USP19: variants seen among roughly 807,000 people sequenced by gnomAD.
USP19 encodes ubiquitin carboxyl-terminal hydrolase 19.
Under a neutral mutation model 144.8 loss-of-function variants are expected in USP19, and 40 were observed. The observed-to-expected ratio is 0.28, with a 90% CI of 0.21 to 0.36. The LOEUF is 0.36. USP19 is among the 10% of genes least tolerant of loss of function. USP19 has a pLI of 1.00. For synonymous variants in USP19, 701 were observed against 709.3 expected (o/e 0.99, Z 0.19); for missense variants, 1,518 against 1,822.5 (o/e 0.83, Z 3.04).
rs753218381 is a variant in USP19, at chr3:49,111,882, C to T, written c.2903+29G>A. The T allele has an allele frequency of 1.9e-6, 3 of 1,612,568 alleles. No homozygotes were observed. The South Asian group carries it at 3.3e-5, about 18-fold the overall frequency. ...TCTAGCACCTCTGCCCCCACCTACA[C>T]CACTCTAGTCCAACCACTGGGCACT... On this transcript the variant is annotated intron_variant, in intron 20 of 26. Coordinates refer to ENST00000417901, the MANE Select transcript of USP19 (RefSeq NM_001199161.2). The surrounding 1 kb of genome is among the most constrained non-coding windows in gnomAD (Gnocchi z 5.9).
chr3:49,112,486 C>T lies in USP19; in HGVS notation c.2646+3G>A, dbSNP rs145504858. The T allele has an allele frequency of 1.9e-6, 3 of 1,613,546 alleles. No homozygotes were observed. Among genetic ancestry groups the T allele is most frequent in the South Asian group, 2.2e-5 (2 of 91,064 alleles). On this transcript the variant is annotated splice_donor_region_variant and intron_variant, in intron 18 of 26. Transcript: ENST00000417901. The surrounding 1 kb of genome is among the most constrained non-coding windows in gnomAD (Gnocchi z 4.9). ...CTGTGCCATCAGGTTGGCCCCCACT[C>T]ACCTGTTGCACCTCTAGCACCACTA...
At position 49,116,071 on chromosome 3, in the gene USP19, C is replaced by G. The variant is rs746418807; in HGVS notation, c.1447G>C (p.Gly483Arg). 5.0e-6 allele frequency: 8 copies of G among 1,604,500 alleles called. No homozygotes were observed. The highest frequency in any genetic ancestry group is 2.2e-5 in the South Asian group (2 of 90,134). The change falls in exon 10 of 27, where the codon GGC becomes CGC. Residue 483 changes from glycine to arginine, a missense_variant. Around this residue, in one of 5 missense-constraint regions of USP19, gnomAD observed 707 missense variants for 728.9 expected, o/e 0.97. Coordinates refer to ENST00000417901, the MANE Select transcript of USP19 (RefSeq NM_001199161.2). The surrounding 1 kb of genome is among the most constrained non-coding windows in gnomAD (Gnocchi z 5.0). ...LRKRQSQRWG[G>R]LEAPAARGAV... ...CCTCGTGCAGCCGGGGCCTCCAGGC[C>G]CCCCCAGCGCTGACTCTGCCTCTTA...
intron 1 of USP19, 96 bp from the exon 2 acceptor site, chr3:49,119,377 G>C: frequency 8.0e-6 from 4 of 501,586 alleles, no homozygotes; most frequent in Non-Finnish European, 1.4e-5. Context: ...ATGCTACAGA[G>C]CTGTATCTTC....
chr3:49,111,286 T>C lies in USP19; in HGVS notation c.3297A>G (p.Ser1099=). 6.2e-7 allele frequency: 1 copy of C among 1,614,082 alleles called. No homozygotes were observed. Among genetic ancestry groups the C allele is most frequent in the African/African-American group, 1.3e-5 (1 of 74,992 alleles). ...TPQFFIYKID[S]SNREQRLEDK... is the part of the protein sequence containing the mutation. ...CCTCTAGCCGCTGCTCTCGGTTGGA[T>C]GAATCAATTTTATAGATGAAGAACT... Residue 1099 remains serine, a synonymous_variant, in exon 22 of 27, where the codon TCA becomes TCG. Coordinates refer to ENST00000417901, the MANE Select transcript of USP19 (RefSeq NM_001199161.2). This position sits in a 1 kb window ranked among gnomAD's most constrained non-coding sequence, Gnocchi z 5.9.
In USP19 at chr3:49,117,007, G is replaced by A. The variant is rs1290852056; in HGVS notation, c.909+52C>T. 6.4e-7 allele frequency: 1 copy of A among 1,558,356 alleles called. No individual in the cohort carries two copies. The highest frequency in any genetic ancestry group is 1.2e-5 in the South Asian group (1 of 84,058). On this transcript the variant is annotated intron_variant, in intron 6 of 26. Transcript: ENST00000417901. This position sits in a 1 kb window ranked among gnomAD's most constrained non-coding sequence, Gnocchi z 4.4. ...TCTGCCAGGTGGCTCCCACTCCAGT[G>A]CACACCCTTTCCCCCCATCTCCTAA...
intron 2 of USP19, among the ~76,000 whole-genome samples, chr3:49,118,385 T>TG (rs2044555346): frequency 6.6e-6 from 1 of 151,636 alleles, no homozygotes; most frequent in Non-Finnish European, 1.5e-5. Flanking sequence ...CTGGCCAACA[T>TG]GGTGAAACCC....
Position 49,118,889 on chromosome 3 carries a change from T to C in USP19, c.124+133A>G, listed in dbSNP as rs1374452143. 5 of 1,388,358 alleles carry C rather than the reference T, an allele frequency of 3.6e-6. No homozygotes were observed. In the East Asian group the frequency reaches 7.2e-5, roughly 20 times the overall value. The allele number at this position is 1,388,358 out of a possible 1,614,324, so 86.0% of individuals were successfully genotyped here. On this transcript the variant is annotated intron_variant, in intron 2 of 26. Transcript: ENST00000417901. ...AGCTGAGGCTCTACTGAGGTTATCA[T>C]GGGTCCTTCTTCTCTCATCATCAAA... is the stretch of plus-strand genomic sequence containing the variant.
intron 17 of USP19, among the ~76,000 whole-genome samples, chr3:49,113,059 C>A (rs1022037503): frequency 7.2e-5 from 11 of 152,260 alleles, no homozygotes; most frequent in Non-Finnish European, 2.9e-5. Flanking sequence ...GAGAGAGCAG[C>A]AGGATAGAGG....
At position 49,115,190 on chromosome 3, in the gene USP19, G is replaced by C. The variant is rs773396082; in HGVS notation, c.2022+38C>G. ...CACACCCAGCTGGCTGGCCCTCCCC[G>C]CCCCCTCCAGCCAAGGGTGACAGTG... On this transcript the variant is annotated intron_variant, in intron 13 of 26. Coordinates refer to ENST00000417901, the MANE Select transcript of USP19 (RefSeq NM_001199161.2). The surrounding 1 kb of genome is among the most constrained non-coding windows in gnomAD (Gnocchi z 6.6). 5 of 1,612,446 alleles carry C rather than the reference G, an allele frequency of 3.1e-6. No homozygotes were observed. In the South Asian group the frequency reaches 5.5e-5, roughly 18 times the overall value.
intron 2 of USP19, 146 bp from the exon 3 acceptor site, chr3:49,118,266 T>TA (rs541189590): frequency 0.012 from 2,614 of 216,984 alleles, 2 homozygotes; most frequent in South Asian, 0.025. Context: ...ACCCTGCCTT[T>TA]AAAAAAAAAA....
chr3:49,117,454 T>A lies in USP19; in HGVS notation c.589A>T (p.Thr197Ser), dbSNP rs1316480073. The A allele has an allele frequency of 6.2e-7, 1 of 1,614,146 alleles. No individual in the cohort carries two copies. Among genetic ancestry groups the A allele is most frequent in the Non-Finnish European group, 8.5e-7 (1 of 1,180,026 alleles). ...GAACTCACCAGGAGGGAGGGCCACG[T>A]GAGCATAGGCACCTTTTTGGGCAGT... is the stretch of plus-strand genomic sequence containing the variant. ...LTLPKKVPMLTWPSLLKKPLG... is the reference protein window; with the variant it reads ...LTLPKKVPMLSWPSLLKKPLG... Residue 197 changes from threonine to serine, a missense_variant, in exon 5 of 27, where the codon ACG becomes TCG. This residue lies in a region of USP19 where 707 missense variants were observed against 728.9 expected (regional missense o/e 0.97). Transcript: ENST00000417901. The surrounding 1 kb of genome is among the most constrained non-coding windows in gnomAD (Gnocchi z 4.4).
Position 49,115,998 on chromosome 3 carries a change from G to C in USP19, c.1471+49C>G. The C allele has an allele frequency of 6.4e-7, 1 of 1,571,852 alleles. No homozygotes were observed. The highest frequency in any genetic ancestry group is 1.2e-5 in the South Asian group (1 of 86,116). On this transcript the variant is annotated intron_variant, in intron 10 of 26. Transcript: ENST00000417901. The surrounding 1 kb of genome is among the most constrained non-coding windows in gnomAD (Gnocchi z 6.6). Reference sequence around the variant, plus strand: ...GGTTAGCAGCATGTGACAGGGGTTTGGGTCCTGGTCACGTGGAACTGGGCA... The same window carrying C: ...GGTTAGCAGCATGTGACAGGGGTTTCGGTCCTGGTCACGTGGAACTGGGCA...
chr3:49,110,304 C>T lies in USP19; in HGVS notation c.3918G>A (p.Thr1306=), dbSNP rs748241263. ...VTTVDESQVV[T]RYAYVLFYRR... ...GGTAGAAGAGTACATAGGCATAACGCGTCACAACCTGGCTCTCGTCTACCG... is the reference window on the plus strand; with the variant it reads ...GGTAGAAGAGTACATAGGCATAACGTGTCACAACCTGGCTCTCGTCTACCG... The change falls in exon 26 of 27, where the codon ACG becomes ACA. Residue 1306 remains threonine (T), a synonymous_variant. Transcript: ENST00000417901. The surrounding 1 kb of genome is among the most constrained non-coding windows in gnomAD (Gnocchi z 6.1). 17 of 1,607,512 alleles carry T rather than the reference C, an allele frequency of 1.1e-5. No homozygotes were observed. The highest frequency in any genetic ancestry group is 7.7e-5 in the South Asian group (7 of 90,350).
chr3:49,111,123 G>A lies in USP19; in HGVS notation c.3372C>T (p.Leu1124=), dbSNP rs757857828. 18 of 1,613,630 alleles carry A rather than the reference G, an allele frequency of 1.1e-5. No homozygotes were observed. Among genetic ancestry groups the A allele is most frequent in the Middle Eastern group, 1.6e-4 (1 of 6,084 alleles). ...LELGDDCSLA[L]VWRNNERLQE... ...GCAAGCGCTCATTGTTCCGCCAGAC[G>A]AGAGCCAGGCTACAGTCGTCACCCA... Residue 1124 remains leucine, a synonymous_variant, in exon 23 of 27, where the codon CTC becomes CTT. Coordinates refer to ENST00000417901, the MANE Select transcript of USP19 (RefSeq NM_001199161.2). The surrounding 1 kb of genome is among the most constrained non-coding windows in gnomAD (Gnocchi z 5.9).
chr3:49,116,864 G>A lies in USP19; in HGVS notation c.989C>T (p.Pro330Leu). 1.2e-6 allele frequency: 2 copies of A among 1,614,170 alleles called. No homozygotes were observed. Among genetic ancestry groups the A allele is most frequent in the Non-Finnish European group, 1.7e-6 (2 of 1,180,030 alleles). ...AGGCACTGCTTTCTCTCCTGCCAAA[G>A]GGGCTAAATTCTCCTCTGAGCCCAG... is the stretch of plus-strand genomic sequence containing the variant. The part of the protein sequence containing the change: ...CLLGSEENLA[P>L]LAGEKAVPPG... The change falls in exon 7 of 27, where the codon CCT becomes CTT. Residue 330 changes from proline (P) to leucine (L), a missense_variant. Physicochemically the swap from Pro to Leu is moderately conservative, Grantham distance 98. Around this residue, in one of 5 missense-constraint regions of USP19, gnomAD observed 707 missense variants for 728.9 expected, o/e 0.97. Transcript: ENST00000417901. The surrounding 1 kb of genome is among the most constrained non-coding windows in gnomAD (Gnocchi z 5.0).
chr3:49,115,273 C>T lies in USP19; in HGVS notation c.1977G>A (p.Ala659=), dbSNP rs760598397. 1.5e-5 allele frequency: 24 copies of T among 1,613,966 alleles called. No individual in the cohort carries two copies. The highest frequency in any genetic ancestry group is 2.2e-5 in the East Asian group (1 of 44,890). Reference sequence around the variant, plus strand: ...AGGCATGGTGGGTGCCCTTCCACAGCGCCCGAAGCAGCACGGCAAAGCCAA... The same window carrying T: ...AGGCATGGTGGGTGCCCTTCCACAGTGCCCGAAGCAGCACGGCAAAGCCAA... ...LAIGFAVLLR[A]LWKGTHHAFQ... is the part of the protein sequence containing the mutation. Residue 659 remains alanine (A), a synonymous_variant, in exon 13 of 27, where the codon GCG becomes GCA. Coordinates refer to ENST00000417901, the MANE Select transcript of USP19 (RefSeq NM_001199161.2). The surrounding 1 kb of genome is among the most constrained non-coding windows in gnomAD (Gnocchi z 6.6).
rs563967011 is a variant in USP19, at chr3:49,110,787, C to A, written c.3622G>T (p.Val1208Leu). 6.2e-7 allele frequency: 1 copy of A among 1,614,170 alleles called. No homozygotes were observed. The highest frequency in any genetic ancestry group is 1.7e-5 in the Admixed American group (1 of 60,020). The change falls in exon 24 of 27, where the codon GTG becomes TTG. Residue 1208 changes from valine (V) to leucine (L), a missense_variant. Transcript: ENST00000417901. This position sits in a 1 kb window ranked among gnomAD's most constrained non-coding sequence, Gnocchi z 6.1. ...CGAAAGGAGAAGCGCTTGAGCTGCA[C>A]GATGAGAACATTTGGCAGGCGCCAT... ...LLWRLPNVLI[V>L]QLKRFSFRSF...
chr3:49,109,225 G>C (rs886646078), intron 26 of USP19: 39 of 1,451,836 alleles, frequency 2.7e-5, no homozygotes, highest in Non-Finnish European at 3.4e-5. Flanking sequence ...CCCGGGGGTG[G>C]GGAGGACCCA....
At position 49,109,202 on chromosome 3, in the gene USP19, C is replaced by T. The variant is rs1448899642; in HGVS notation, c.4039-674G>A. The T allele has an allele frequency of 6.2e-6, 9 of 1,455,474 alleles. No individual in the cohort carries two copies. In the East Asian group the frequency reaches 1.0e-4, roughly 16 times the overall value. 90.2% of individuals were successfully genotyped at this position (1,455,474 alleles called of 1,614,324 possible). A position where few individuals can be genotyped will look rare whatever the true frequency, so the allele number is the denominator to read the frequency against. ...CCGGGAAGCCTAGGGTATGTGGAAA[C>T]GGCCATCAGCACCCCGGGGGTGGGG... On this transcript the variant is annotated intron_variant, in intron 26 of 26. Coordinates refer to ENST00000417901, the MANE Select transcript of USP19 (RefSeq NM_001199161.2).
Sources: allele counts gnomAD v4.1 joint callset (sites outside exome capture counted in the v4.1 genomes callset), GRCh38; gene constraint gnomAD v4.1.1; regional missense constraint gnomAD v4.1.1; non-coding constraint Gnocchi (gnomAD v3.1); transcripts MANE v1.5; gene names NCBI Gene and HGNC (gene_info 2026-07-23, HGNC 2026-07-21).